The following SAMD5 variants were observed in gnomAD, a reference collection of about 807,000 sequenced individuals.
SAMD5 encodes the protein sterile alpha motif domain containing 5, also known as sterile alpha motif domain-containing protein 5.
A neutral mutation model predicts 11.3 loss-of-function variants in SAMD5; 13 were observed. That is an observed-to-expected ratio of 1.15 (90% confidence interval 0.75 to 1.83). SAMD5 has a LOEUF of 1.83. Ranked by LOEUF, SAMD5 falls within the 40% of genes most tolerant of loss-of-function variation. The pLI is 0.00. For missense variants in SAMD5, 255 were observed against 239.1 expected (o/e 1.07, Z -0.44); for synonymous variants, 129 against 111.3 (o/e 1.16, Z -1.00).
intron 1 of SAMD5, among the ~76,000 whole-genome samples, chr6:147,734,638 G>A (rs1393988313): frequency 6.9e-6 from 1 of 145,148 alleles, no homozygotes; most frequent in Non-Finnish European, 1.5e-5. Flanking sequence ...GCGTGAACCC[G>A]GGAGGTGGAG....
In SAMD5 at chr6:147,565,898, G is replaced by A; in HGVS notation, c.*1442G>A. ...GCTGTCAATTGTTTAGAGCTCCCAA[G>A]TAGTACTGCATTACGGAATCTACTA... On this transcript the variant is annotated 3_prime_UTR_variant, in exon 2 of 2. Transcript: ENST00000367474. 4 of 985,444 alleles carry A rather than the reference G, an allele frequency of 4.1e-6. No individual in the cohort carries two copies. Among genetic ancestry groups the A allele is most frequent in the Non-Finnish European group, 4.8e-6 (4 of 829,932 alleles). 61.0% of individuals were successfully genotyped at this position (985,444 alleles called of 1,614,324 possible). A position where few individuals can be genotyped will look rare whatever the true frequency, so the allele number is the denominator to read the frequency against.
the SAMD5 span, among the ~76,000 whole-genome samples, chr6:147,797,853 C>T: frequency 6.6e-5 from 10 of 150,948 alleles, no homozygotes; most frequent in South Asian, 2.1e-4. Context: ...AGTTTATTTG[C>T]GTAGAGGTTT....
intron 1 of SAMD5, among the ~76,000 whole-genome samples, chr6:147,718,991 G>C (rs948716218): frequency 6.6e-6 from 1 of 152,130 alleles, no homozygotes; most frequent in Non-Finnish European, 1.5e-5. Flanking sequence ...GCGCCCGGCC[G>C]AAGTGTCTCT....
chr6:147,591,508 T>C (rs746990401), intron 1 of SAMD5, among the ~76,000 whole-genome samples: 1 of 152,208 alleles, frequency 6.6e-6, no homozygotes, highest in African/African-American at 2.4e-5. Context: ...CAGAGTTCAC[T>C]AATGTGAAAT....
intron 1 of SAMD5, among the ~76,000 whole-genome samples, chr6:147,673,501 C>G (rs1251315469): frequency 6.6e-6 from 1 of 152,126 alleles, no homozygotes; most frequent in Non-Finnish European, 1.5e-5. Context: ...GTGTGAGCCA[C>G]CGCACCCCGC....
chr6:147,568,273 T>A lies in SAMD5; in HGVS notation c.*3817T>A. ...GACTGGAAAGCACCTGCTTGAAAATTGATATGAGCATGTCTGAATTTTTCC... is the reference window on the plus strand; with the variant it reads ...GACTGGAAAGCACCTGCTTGAAAATAGATATGAGCATGTCTGAATTTTTCC... On this transcript the variant is annotated 3_prime_UTR_variant, in exon 2 of 2. Coordinates refer to ENST00000367474, the MANE Select transcript of SAMD5 (RefSeq NM_001030060.3). 1.0e-6 allele frequency: 1 copy of A among 985,364 alleles called. No individual in the cohort carries two copies. Among genetic ancestry groups the A allele is most frequent in the Non-Finnish European group, 1.2e-6 (1 of 829,906 alleles). 61.0% of individuals were successfully genotyped at this position (985,364 alleles called of 1,614,324 possible).
chr6:147,537,961 A>G (rs1006884139), intron 1 of SAMD5, among the ~76,000 whole-genome samples: 1 of 152,228 alleles, frequency 6.6e-6, no homozygotes. Context: ...AGAAAAGTAA[A>G]TTTCATGTTT....
At chr6:147,905,907 C>G in the SAMD5 span, among the ~76,000 whole-genome samples, 3 of 152,122 alleles carry the variant, frequency 2.0e-5, no homozygotes, top group African/African-American at 7.2e-5. Flanking sequence ...TTGCAAAGCT[C>G]CAGGCTCTGA....
At chr6:147,538,766 T>A (rs1330122602) in intron 1 of SAMD5, among the ~76,000 whole-genome samples, 1 of 152,210 alleles carries the variant, frequency 6.6e-6, no homozygotes, top group African/African-American at 2.4e-5. Flanking sequence ...AGACCAAATG[T>A]TTACATTTTC....
chr6:147,554,249 G>T (rs1018565544), intron 1 of SAMD5, among the ~76,000 whole-genome samples: 6 of 152,098 alleles, frequency 3.9e-5, no homozygotes, highest in Non-Finnish European at 1.5e-5. Context: ...ATTACCTTCC[G>T]CTGGGTCCCT....
intron 1 of SAMD5, among the ~76,000 whole-genome samples, chr6:147,600,930 A>G (rs769856754): frequency 1.3e-5 from 2 of 152,238 alleles, no homozygotes; most frequent in Non-Finnish European, 2.9e-5. Flanking sequence ...ACCAGGCAAT[A>G]TGGAGTGAAT....
In SAMD5 at chr6:147,715,628, G is replaced by A. The variant is rs576928600; in HGVS notation, c.163-21689G>A. Among the ~76,000 whole-genome samples, 7 of 152,330 alleles carry A rather than the reference G, an allele frequency of 4.6e-5. No individual in the cohort carries two copies. The South Asian group carries it at 1.4e-3, about 32-fold the overall frequency. On this transcript the variant is annotated intron_variant, in intron 1 of 1. Coordinates refer to the SAMD5 transcript ENST00000566741. ...ATGTTTCAGCCCTACTTGTGTTACA[G>A]CTCTTTTAGCCCTGCCATTTGGCAG...
In SAMD5 at chr6:147,567,287, G is replaced by T. The variant is rs1035963653; in HGVS notation, c.*2831G>T. The T allele has an allele frequency of 5.1e-6, 5 of 985,200 alleles. No homozygotes were observed. The African/African-American group carries it at 8.7e-5, about 17-fold the overall frequency. The allele number at this position is 985,200 out of a possible 1,614,324, so 61.0% of individuals were successfully genotyped here. On this transcript the variant is annotated 3_prime_UTR_variant, in exon 2 of 2. Coordinates refer to ENST00000367474, the MANE Select transcript of SAMD5 (RefSeq NM_001030060.3). ...CAAAGGATAGTAGTTTCTCAACTGG[G>T]AGCATACGAGCAATTTCTCAGTTCA...
chr6:147,857,735 G>A, the SAMD5 span, among the ~76,000 whole-genome samples: 13 of 152,038 alleles, frequency 8.6e-5, no homozygotes, highest in African/African-American at 3.1e-4. Context: ...CAACACTATA[G>A]AGGGGACAGC....
chr6:147,511,065 A>C (rs906572761), intron 1 of SAMD5, among the ~76,000 whole-genome samples: 1 of 152,188 alleles, frequency 6.6e-6, no homozygotes. Flanking sequence ...GTACCTGGGC[A>C]CTTGATAAGG....
chr6:147,890,939 CTA>C, the SAMD5 span, among the ~76,000 whole-genome samples: 2 of 151,958 alleles, frequency 1.3e-5, no homozygotes, highest in Admixed American at 1.3e-4. Flanking sequence ...GCACAATGCA[CTA>C]TGTTACATCC....
At chr6:147,779,859 G>A in the SAMD5 span, among the ~76,000 whole-genome samples, 1 of 152,190 alleles carries the variant, frequency 6.6e-6, no homozygotes, top group Non-Finnish European at 1.5e-5. Context: ...GTAGCAAAAG[G>A]AATATAAGGC....
the SAMD5 span, among the ~76,000 whole-genome samples, chr6:147,942,316 C>T: frequency 5.3e-5 from 8 of 152,140 alleles, no homozygotes; most frequent in Non-Finnish European, 1.0e-4. Flanking sequence ...TTCAGATTTG[C>T]GGAGAATTAG....
chr6:147,756,479 T>C, the SAMD5 span, among the ~76,000 whole-genome samples: 2 of 152,204 alleles, frequency 1.3e-5, no homozygotes, highest in Non-Finnish European at 2.9e-5. Flanking sequence ...AAGGTACTTT[T>C]TTTGGAAGAC....
Sources: gnomAD v4.1 joint callset for allele counts (sites outside exome capture counted in the v4.1 genomes callset) on GRCh38, gnomAD v4.1.1 for gene constraint, MANE v1.5 for transcripts, NCBI Gene and HGNC (gene_info 2026-07-23, HGNC 2026-07-21) for gene names.